Variants in LRRC40 observed in about 807,000 individuals in gnomAD.
LRRC40 encodes leucine-rich repeat-containing protein 40.
A neutral mutation model predicts 72.8 loss-of-function variants in LRRC40; 76 were observed. The observed-to-expected ratio is 1.04, with a 90% confidence interval of 0.87 to 1.26. The LOEUF is 1.26. Among genes scored for constraint, LRRC40 ranks in the 50% most tolerant of loss-of-function variants. The pLI is 0.00. For missense variants in LRRC40, 684 were observed against 698.9 expected, an observed-to-expected ratio of 0.98 and a Z score of 0.24; for synonymous variants, 243 against 254.2, an observed-to-expected ratio of 0.96 and a Z score of 0.42.
At chr1:70,197,425 T>A (rs1038896237) in intron 1 of LRRC40, among the ~76,000 whole-genome samples, 8 of 152,016 alleles carry the variant, frequency 5.3e-5, no homozygotes, top group Non-Finnish European at 8.8e-5. Context: ...CTATGAGGAC[T>A]ACAGGCATGT....
At position 70,190,067 on chromosome 1, in the gene LRRC40, G is replaced by A. The variant is rs138737902; in HGVS notation, c.152-794C>T. On this transcript the variant is annotated intron_variant, in intron 1 of 14. Coordinates refer to ENST00000370952, the MANE Select transcript of LRRC40 (RefSeq NM_017768.5). ...AAATAAGACTGTACAAATTGAGCAGGGATAACTTGAAGCTCCAGAAGGTAG... is the reference window on the plus strand; with the variant it reads ...AAATAAGACTGTACAAATTGAGCAGAGATAACTTGAAGCTCCAGAAGGTAG... Among the ~76,000 whole-genome samples the A allele has an allele frequency of 3.9e-5, 6 of 152,252 alleles. No individual in the cohort carries two copies. The East Asian group carries it at 7.7e-4, about 20-fold the overall frequency.
At chr1:70,187,667 A>G (rs1668392579) in intron 2 of LRRC40, among the ~76,000 whole-genome samples, 1 of 151,826 alleles carries the variant, frequency 6.6e-6, no homozygotes, top group African/African-American at 2.4e-5. Flanking sequence ...TCTACAAAAA[A>G]AAAAAAAATT....
intron 9 of LRRC40, among the ~76,000 whole-genome samples, chr1:70,170,805 T>C (rs1053608425): frequency 5.9e-5 from 9 of 152,124 alleles, no homozygotes; most frequent in African/African-American, 2.2e-4. Context: ...TCTACAGAAA[T>C]GCATAAACTT....
At chr1:70,186,991 A>C (rs538761251) in intron 3 of LRRC40, among the ~76,000 whole-genome samples, 1 of 152,168 alleles carries the variant, frequency 6.6e-6, no homozygotes, top group African/African-American at 2.4e-5. Context: ...ACAAACCACT[A>C]AGAATTGTTT....
chr1:70,175,713 G>A lies in LRRC40; in HGVS notation c.977+97C>T, dbSNP rs569107101. ...ATCAATATTTAGTGAATTCAATTTAGAAAAAAGGAACCTCTTGGTTTTTTA... is the reference window on the plus strand; with the variant it reads ...ATCAATATTTAGTGAATTCAATTTAAAAAAAAGGAACCTCTTGGTTTTTTA... On this transcript the variant is annotated intron_variant, in intron 7 of 14. Coordinates refer to ENST00000370952, the MANE Select transcript of LRRC40 (RefSeq NM_017768.5). The A allele has an allele frequency of 1.5e-3, 1,360 of 877,842 alleles. 12 individuals carry two copies. The highest frequency in any genetic ancestry group is 9.8e-4 in the Non-Finnish European group (586 of 597,236). 54.4% of individuals were successfully genotyped at this position (877,842 alleles called of 1,614,324 possible).
At chr1:70,192,196 G>A (rs1402233163) in intron 1 of LRRC40, among the ~76,000 whole-genome samples, 5 of 152,000 alleles carry the variant, frequency 3.3e-5, no homozygotes, top group African/African-American at 1.2e-4. Flanking sequence ...TCCCTGGTTA[G>A]CTGTATTCTA....
intron 10 of LRRC40, among the ~76,000 whole-genome samples, chr1:70,157,201 T>C (rs1667657136): frequency 6.6e-6 from 1 of 152,232 alleles, no homozygotes; most frequent in South Asian, 2.1e-4. Flanking sequence ...ACAGTTATTA[T>C]ACCTTCTACT....
chr1:70,189,281 C>T lies in LRRC40; in HGVS notation c.152-8G>A, dbSNP rs374181869. 3.2e-5 allele frequency: 43 copies of T among 1,331,486 alleles called. No homozygotes were observed. The African/African-American group carries it at 6.1e-4, about 19-fold the overall frequency. 82.5% of individuals were successfully genotyped at this position (1,331,486 alleles called of 1,614,324 possible). A position where few individuals can be genotyped will look rare whatever the true frequency, so the allele number is the denominator to read the frequency against. On this transcript the variant is annotated splice_polypyrimidine_tract_variant and splice_region_variant and intron_variant, in intron 1 of 14. Transcript: ENST00000370952. ...TCCAGACACACTGCGGCACTAGTTC[C>T]ATCAGCACCACACCAGGAAAAAAAA...
chr1:70,197,927 A>C (rs188627801), intron 1 of LRRC40, among the ~76,000 whole-genome samples: 47 of 151,988 alleles, frequency 3.1e-4, no homozygotes, highest in Non-Finnish European at 5.4e-4. Context: ...TAAAAATACA[A>C]ATTTTTGTAT....
chr1:70,165,021 C>A (rs982871009), intron 9 of LRRC40, among the ~76,000 whole-genome samples: 2 of 152,040 alleles, frequency 1.3e-5, no homozygotes, highest in African/African-American at 2.4e-5. Context: ...AAATTGTGAT[C>A]CTCAAAACAC....
At chr1:70,185,462 TG>T (rs1668340687) in intron 3 of LRRC40, among the ~76,000 whole-genome samples, 1 of 152,326 alleles carries the variant, frequency 6.6e-6, no homozygotes, top group Middle Eastern at 3.4e-3. Context: ...TTTCTCCTGC[TG>T]CTGCCATGTA....
At chr1:70,204,471 T>C (rs993082471) in intron 1 of LRRC40, among the ~76,000 whole-genome samples, 2 of 152,132 alleles carry the variant, frequency 1.3e-5, no homozygotes, top group African/African-American at 4.8e-5. Context: ...GATATATATA[T>C]ATGCACAACT....
Position 70,148,554 on chromosome 1 carries a change from T to G in LRRC40, c.1636A>C (p.Thr546Pro). 1 of 1,613,692 alleles carries G rather than the reference T, an allele frequency of 6.2e-7. No homozygotes were observed. ...QKMKMMENLTTLDLQNNDLLQ... is the reference protein window; with the variant it reads ...QKMKMMENLTPLDLQNNDLLQ... ...AGGTCATTATTTTGAAGGTCCAACG[T>G]GGTCAGATTTTCCATCATCTTCATT... Residue 546 changes from threonine (T) to proline (P), a missense_variant, in exon 14 of 15, where the codon ACG (threonine) becomes CCG (proline). By Grantham distance (38) the Thr-to-Pro change is conservative. Coordinates refer to ENST00000370952, the MANE Select transcript of LRRC40 (RefSeq NM_017768.5).
At chr1:70,177,549 A>G (rs1265233707) in intron 6 of LRRC40, among the ~76,000 whole-genome samples, 1 of 152,202 alleles carries the variant, frequency 6.6e-6, no homozygotes, top group African/African-American at 2.4e-5. Flanking sequence ...GTGCAAAACC[A>G]TAAATTTCAA....
chr1:70,148,467 C>CAGT lies in LRRC40; in HGVS notation c.1703+17_1703+19dup. 2 of 1,550,916 alleles carry CAGT rather than the reference C, an allele frequency of 1.3e-6. No individual in the cohort carries two copies. Among genetic ancestry groups the CAGT allele is most frequent in the Non-Finnish European group, 1.8e-6 (2 of 1,132,702 alleles). On this transcript the variant is annotated intron_variant, in intron 14 of 14. Coordinates refer to ENST00000370952, the MANE Select transcript of LRRC40 (RefSeq NM_017768.5). ...AATCAATAAAATAAATGAAACAATG[C>CAGT]AGTAGAATGGTGTAGTTACCTTAAG...
chr1:70,177,143 G>A (rs982820226), intron 6 of LRRC40, among the ~76,000 whole-genome samples: 2 of 152,152 alleles, frequency 1.3e-5, no homozygotes, highest in Non-Finnish European at 2.9e-5. Context: ...TGGCGTGGTG[G>A]TGGGCACCTG....
chr1:70,149,284 A>ACTGC (rs1348359029), intron 13 of LRRC40, among the ~76,000 whole-genome samples: 1 of 152,200 alleles, frequency 6.6e-6, no homozygotes, highest in African/African-American at 2.4e-5. Context: ...CATGAGGTGA[A>ACTGC]CTGCAGCCTT....
chr1:70,170,622 A>G (rs1276127638), intron 9 of LRRC40, among the ~76,000 whole-genome samples: 3 of 152,222 alleles, frequency 2.0e-5, no homozygotes, highest in Non-Finnish European at 4.4e-5. Flanking sequence ...GAAAACAATT[A>G]TATGCCTAAT....
chr1:70,173,545 A>G (rs1236898485), intron 8 of LRRC40, 35 bp from the exon 9 acceptor site: 1 of 1,565,628 alleles, frequency 6.4e-7, no homozygotes, highest in Admixed American at 1.7e-5. Context: ...TCACCAAGAC[A>G]TGCTTTGCAG....
Sources: gnomAD v4.1 joint callset for allele counts (sites outside exome capture counted in the v4.1 genomes callset) on GRCh38, gnomAD v4.1.1 for gene constraint, MANE v1.5 for transcripts, NCBI Gene and HGNC (gene_info 2026-07-23, HGNC 2026-07-21) for gene names.